The following MB21D2 variants were observed in gnomAD, a reference collection of about 807,000 sequenced individuals.
MB21D2 encodes nucleotidyltransferase MB21D2.
A neutral mutation model predicts 33.3 loss-of-function variants in MB21D2; 9 were observed. That is an observed-to-expected ratio of 0.27 (90% CI 0.16 to 0.47). The LOEUF (loss-of-function observed/expected upper bound fraction) is 0.47, where lower values mean the gene tolerates loss of function less well. Among genes scored for constraint, MB21D2 ranks in the 20% least tolerant of loss-of-function variants. The pLI, the probability that MB21D2 is intolerant of heterozygous loss-of-function variation, is 0.99. For synonymous variants in MB21D2, 241 were observed against 236.3 expected (o/e 1.02, Z -0.18); for missense variants, 540 against 624.6 (o/e 0.86, Z 1.44).
At chr3:192,851,376 T>C (rs1712799904) in intron 1 of MB21D2, among the ~76,000 whole-genome samples, 1 of 151,966 alleles carries the variant, frequency 6.6e-6, no homozygotes, top group Non-Finnish European at 1.5e-5. Context: ...AGGTGACTGC[T>C]AATGAGTATG....
chr3:192,896,878 C>T (rs1206611837), intron 1 of MB21D2, among the ~76,000 whole-genome samples: 1 of 152,138 alleles, frequency 6.6e-6, no homozygotes, highest in East Asian at 1.9e-4. Context: ...CTAGGAGGAG[C>T]AAAGAGCATG....
At chr3:192,875,517 A>C (rs1444832001) in intron 1 of MB21D2, among the ~76,000 whole-genome samples, 1 of 152,288 alleles carries the variant, frequency 6.6e-6, no homozygotes, top group Admixed American at 6.5e-5. Flanking sequence ...TTTTAATTTT[A>C]ATTTTTCATT....
chr3:192,870,106 C>T (rs12629285), intron 1 of MB21D2, among the ~76,000 whole-genome samples: 90,079 of 151,730 alleles, frequency 0.59, 28,130 homozygotes, highest in African/African-American at 0.78. Context: ...TCTTGGCCCA[C>T]GACTGCTTAG....
intron 1 of MB21D2, among the ~76,000 whole-genome samples, chr3:192,897,038 A>G (rs1713990760): frequency 6.6e-6 from 1 of 152,308 alleles, no homozygotes; most frequent in South Asian, 2.1e-4. Flanking sequence ...GAAGGAGGAG[A>G]AGAGAGACAA....
At chr3:192,832,985 T>G (rs1352768911) in intron 1 of MB21D2, among the ~76,000 whole-genome samples, 1 of 152,226 alleles carries the variant, frequency 6.6e-6, no homozygotes, top group Non-Finnish European at 1.5e-5. Context: ...TGTGAGATGT[T>G]AGCTTTGCCC....
At chr3:192,815,716 T>C (rs374044194) in intron 1 of MB21D2, among the ~76,000 whole-genome samples, 3 of 152,250 alleles carry the variant, frequency 2.0e-5, no homozygotes, top group Middle Eastern at 3.4e-3. Context: ...TTCTGTACAA[T>C]TGGGGAATTC....
At chr3:192,890,862 C>T (rs906753983) in intron 1 of MB21D2, among the ~76,000 whole-genome samples, 5 of 151,946 alleles carry the variant, frequency 3.3e-5, no homozygotes, top group African/African-American at 7.3e-5. Context: ...ACTAGGTCCA[C>T]GCAGAGACAT....
chr3:192,879,568 A>T (rs1713515663), intron 1 of MB21D2, among the ~76,000 whole-genome samples: 2 of 152,210 alleles, frequency 1.3e-5, no homozygotes, highest in South Asian at 4.1e-4. Context: ...AAGTGATTGG[A>T]GAGGCTGTAC....
intron 1 of MB21D2, among the ~76,000 whole-genome samples, chr3:192,832,723 G>A (rs1367255038): frequency 6.6e-6 from 1 of 152,194 alleles, no homozygotes; most frequent in Non-Finnish European, 1.5e-5. Context: ...CCGGGAGGCG[G>A]AGGTTGCAGT....
chr3:192,869,620 T>C (rs953170792), intron 1 of MB21D2, among the ~76,000 whole-genome samples: 2 of 152,192 alleles, frequency 1.3e-5, no homozygotes, highest in African/African-American at 4.8e-5. Flanking sequence ...AAGCTTCCAA[T>C]TACCCAGATT....
chr3:192,863,346 T>A (rs1054202929), intron 1 of MB21D2, among the ~76,000 whole-genome samples: 7 of 152,270 alleles, frequency 4.6e-5, no homozygotes, highest in Admixed American at 2.0e-4. Flanking sequence ...ACAGCAGCCC[T>A]AGGAAACTAA....
At chr3:192,891,125 T>C (rs567494463) in intron 1 of MB21D2, among the ~76,000 whole-genome samples, 7 of 152,318 alleles carry the variant, frequency 4.6e-5, no homozygotes, top group Non-Finnish European at 2.9e-5. Context: ...CTGGTCACAT[T>C]AATTGGGTGA....
chr3:192,843,020 C>A (rs1176829418), intron 1 of MB21D2, among the ~76,000 whole-genome samples: 1 of 152,154 alleles, frequency 6.6e-6, no homozygotes, highest in African/African-American at 2.4e-5. Context: ...CCCAGATACA[C>A]AAGGTTAGTG....
At chr3:192,847,016 A>G (rs918078597) in intron 1 of MB21D2, among the ~76,000 whole-genome samples, 12 of 152,158 alleles carry the variant, frequency 7.9e-5, no homozygotes, top group African/African-American at 2.9e-4. Context: ...ATTAGAGCCC[A>G]GTTGGGGGAA....
At chr3:192,844,410 G>A (rs1425028695) in intron 1 of MB21D2, among the ~76,000 whole-genome samples, 1 of 152,214 alleles carries the variant, frequency 6.6e-6, no homozygotes, top group African/African-American at 2.4e-5. Context: ...TTCAGAGGCA[G>A]AAGTATCTCT....
At chr3:192,909,051 C>T (rs180842570) in intron 1 of MB21D2, among the ~76,000 whole-genome samples, 1 of 151,440 alleles carries the variant, frequency 6.6e-6, no homozygotes, top group Non-Finnish European at 1.5e-5. Context: ...GTCGGGAGAT[C>T]GAGACCATCC....
chr3:192,905,276 G>T (rs1245468843), intron 1 of MB21D2, among the ~76,000 whole-genome samples: 2 of 152,082 alleles, frequency 1.3e-5, no homozygotes, highest in African/African-American at 4.8e-5. Context: ...AAAAGCTGTT[G>T]TTTTGTTTTT....
intron 1 of MB21D2, among the ~76,000 whole-genome samples, chr3:192,815,914 T>C (rs1711911381): frequency 2.0e-5 from 3 of 152,310 alleles, no homozygotes; most frequent in Non-Finnish European, 4.4e-5. Context: ...TAAGGACAAT[T>C]GGCGCCCATA....
intron 1 of MB21D2, among the ~76,000 whole-genome samples, chr3:192,893,414 C>T (rs1259247366): frequency 2.0e-5 from 3 of 152,124 alleles, no homozygotes; most frequent in African/African-American, 4.8e-5. Context: ...ACTCTACTTA[C>T]GGAGTCCTAA....
Sources: gnomAD v4.1 joint callset for allele counts (sites outside exome capture counted in the v4.1 genomes callset) on GRCh38, gnomAD v4.1.1 for gene constraint, MANE v1.5 for transcripts, NCBI Gene and HGNC (gene_info 2026-07-23, HGNC 2026-07-21) for gene names.